The following RASAL2 variants were observed in gnomAD, a reference collection of about 807,000 sequenced individuals.
RASAL2 encodes RAS protein activator like 2.
Under a neutral mutation model 128.9 loss-of-function variants are expected in RASAL2, and 58 were observed. That is an observed-to-expected ratio of 0.45 (90% CI 0.36 to 0.56). The LOEUF (loss-of-function observed/expected upper bound fraction) is 0.56. Among genes scored for constraint, RASAL2 ranks in the 20% least tolerant of loss-of-function variants. RASAL2 has a pLI of 0.00. For synonymous variants in RASAL2, 561 were observed against 580.8 expected (o/e 0.97, Z 0.49); for missense variants, 1,360 against 1,601.6 (o/e 0.85, Z 2.57).
At chr1:178,200,807 C>T (rs7522277) in intron 1 of RASAL2, among the ~76,000 whole-genome samples, 2,756 of 152,276 alleles carry the variant, frequency 0.018, 75 homozygotes, top group African/African-American at 0.059. Flanking sequence ...TCTGATGAAC[C>T]CTTTTTACCA....
intron 1 of RASAL2, among the ~76,000 whole-genome samples, chr1:178,239,529 G>A (rs768148141): frequency 6.6e-6 from 1 of 152,060 alleles, no homozygotes; most frequent in Non-Finnish European, 1.5e-5. Context: ...CTGGTACTTA[G>A]TGATTCTATT....
At chr1:178,439,662 A>C in intron 6 of RASAL2, 87 bp downstream of exon 6, 1 of 1,203,770 alleles carries the variant, frequency 8.3e-7, no homozygotes, top group Non-Finnish European at 1.1e-6. Context: ...ATTGCTGTAC[A>C]GTTGATGATT....
intron 4 of RASAL2, among the ~76,000 whole-genome samples, chr1:178,405,382 T>C (rs1673936074): frequency 6.6e-6 from 1 of 152,254 alleles, no homozygotes; most frequent in Admixed American, 6.5e-5. Context: ...GTCCACATCC[T>C]AATACATGGA....
In RASAL2 at chr1:178,094,377, C is replaced by G; in HGVS notation, c.-116C>G. The G allele has an allele frequency of 5.0e-6, 5 of 1,005,442 alleles. No homozygotes were observed. The highest frequency in any genetic ancestry group is 6.9e-6 in the Non-Finnish European group (5 of 723,034). 62.3% of individuals were successfully genotyped at this position (1,005,442 alleles called of 1,614,324 possible). ...AGAGGTGTCCGCGCCGGCTGCCGCT[C>G]GGGTCCCTGCCCTCGCTGCGCGCTC... On this transcript the variant is annotated 5_prime_UTR_variant, in exon 1 of 18. Transcript: ENST00000367649.
intron 1 of RASAL2, among the ~76,000 whole-genome samples, chr1:178,270,963 TA>T (rs2102171633): frequency 6.6e-6 from 1 of 152,328 alleles, no homozygotes; most frequent in South Asian, 2.1e-4. Flanking sequence ...GCTCATGTCT[TA>T]ACATGTTTAG....
At chr1:178,437,877 T>G (rs1676357554) in intron 5 of RASAL2, among the ~76,000 whole-genome samples, 2 of 152,076 alleles carry the variant, frequency 1.3e-5, no homozygotes, top group South Asian at 4.1e-4. Context: ...CATTGTTATA[T>G]TTTTCTTTTT....
intron 4 of RASAL2, 101 bp from the exon 5 acceptor site, chr1:178,420,410 G>T: frequency 1.5e-6 from 1 of 645,584 alleles, no homozygotes; most frequent in South Asian, 4.1e-5. Flanking sequence ...TCTATTTCTG[G>T]TCTTTATTGT....
chr1:178,164,655 A>G (rs950717374), intron 1 of RASAL2, among the ~76,000 whole-genome samples: 4 of 152,038 alleles, frequency 2.6e-5, no homozygotes, highest in Admixed American at 1.3e-4. Context: ...AGAAATATAT[A>G]TTCCTGGGTT....
At chr1:178,286,360 A>C (rs557889933) in intron 2 of RASAL2, among the ~76,000 whole-genome samples, 1 of 151,916 alleles carries the variant, frequency 6.6e-6, no homozygotes, top group Admixed American at 6.6e-5. Context: ...GCTGCTGTCT[A>C]TTCTCCCCTG....
intron 1 of RASAL2, among the ~76,000 whole-genome samples, chr1:178,211,504 C>T (rs1663256163): frequency 6.6e-6 from 1 of 152,168 alleles, no homozygotes; most frequent in African/African-American, 2.4e-5. Context: ...CTATTCCTCC[C>T]TTGATCTGCC....
At chr1:178,298,057 A>G (rs1384073739) in intron 2 of RASAL2, among the ~76,000 whole-genome samples, 3 of 152,142 alleles carry the variant, frequency 2.0e-5, no homozygotes, top group African/African-American at 7.2e-5. Flanking sequence ...AGATTGAACT[A>G]TTTCTTCAAA....
intron 3 of RASAL2, among the ~76,000 whole-genome samples, chr1:178,320,106 G>A (rs1317148418): frequency 2.0e-5 from 3 of 151,824 alleles, no homozygotes; most frequent in African/African-American, 4.8e-5. Context: ...TAGGCTGCTC[G>A]GGGGTCAGGG....
Position 178,473,403 on chromosome 1 carries a change from CG to C in RASAL2, c.*166del. 1.2e-6 allele frequency: 1 copy of C among 836,146 alleles called. No homozygotes were observed. Among genetic ancestry groups the C allele is most frequent in the Non-Finnish European group, 1.8e-6 (1 of 548,482 alleles). The allele number at this position is 836,146 out of a possible 1,614,324, so 51.8% of individuals were successfully genotyped here. Reference sequence around the variant, plus strand: ...GAACCTTGTCTTTCAGGGCATAAGGCGGCGACTTCCAAGGTCAATGCTTTTC... The same window carrying C: ...GAACCTTGTCTTTCAGGGCATAAGGCGCGACTTCCAAGGTCAATGCTTTTC... On this transcript the variant is annotated 3_prime_UTR_variant, in exon 18 of 18. Coordinates refer to ENST00000367649, the MANE Select transcript of RASAL2 (RefSeq NM_170692.4).
intron 1 of RASAL2, among the ~76,000 whole-genome samples, chr1:178,147,513 C>A (rs1660776331): frequency 6.7e-6 from 1 of 150,272 alleles, no homozygotes. Context: ...TAAAGGAAAG[C>A]TAGTTTATAT....
rs538817046 is a variant in RASAL2 at position 178,462,916 on chromosome 1, C to T, written c.3253-1362C>T. Among the ~76,000 whole-genome samples, 3 of 152,246 alleles carry T rather than the reference C, an allele frequency of 2.0e-5. No individual in the cohort carries two copies. The South Asian group carries it at 6.2e-4, about 32-fold the overall frequency. ...GACTAAACCAGATCTTTCTTCACACCTTTAAGAAATGTCCCTATGTTACTT... is the reference window on the plus strand; with the variant it reads ...GACTAAACCAGATCTTTCTTCACACTTTTAAGAAATGTCCCTATGTTACTT... On this transcript the variant is annotated intron_variant, in intron 14 of 17. Coordinates refer to ENST00000367649, the MANE Select transcript of RASAL2 (RefSeq NM_170692.4).
intron 3 of RASAL2, 64 bp downstream of exon 3, chr1:178,300,182 T>C (rs1667704171): frequency 1.3e-6 from 2 of 1,498,692 alleles, no homozygotes; most frequent in African/African-American, 1.4e-5. Context: ...GACTTGTTAC[T>C]GAGTAAAACA....
At chr1:178,318,737 C>G (rs1668612270) in intron 3 of RASAL2, among the ~76,000 whole-genome samples, 1 of 152,144 alleles carries the variant, frequency 6.6e-6, no homozygotes, top group African/African-American at 2.4e-5. Context: ...TGGATCTTGA[C>G]TCTTTATCCA....
intron 3 of RASAL2, among the ~76,000 whole-genome samples, chr1:178,370,209 G>A (rs185813244): frequency 6.6e-6 from 1 of 152,306 alleles, no homozygotes; most frequent in East Asian, 1.9e-4. Flanking sequence ...AACATGTAAA[G>A]GCGTGGAAGT....
At chr1:178,440,078 C>T (rs1172017263) in intron 6 of RASAL2, among the ~76,000 whole-genome samples, 3 of 151,948 alleles carry the variant, frequency 2.0e-5, no homozygotes, top group African/African-American at 7.3e-5. Context: ...AACCCAGACC[C>T]CAGCACATTG....
Sources: allele counts gnomAD v4.1 joint callset (sites outside exome capture counted in the v4.1 genomes callset), GRCh38; gene constraint gnomAD v4.1.1; transcripts MANE v1.5; gene names NCBI Gene and HGNC (gene_info 2026-07-23, HGNC 2026-07-21).